The following MAP4K3 variants were observed in gnomAD, a reference collection of about 807,000 sequenced individuals.
The protein encoded by MAP4K3 is mitogen-activated protein kinase kinase kinase kinase 3, also known as MAPK/ERK kinase kinase kinase 3.
Under a neutral mutation model 143.5 loss-of-function variants are expected in MAP4K3, and 94 were observed. The observed-to-expected ratio is 0.65, with a 90% CI of 0.55 to 0.78. The LOEUF (loss-of-function observed/expected upper bound fraction) is 0.78. MAP4K3 is among the 30% of genes least tolerant of loss of function. MAP4K3 has a pLI of 0.00. For missense variants in MAP4K3, 1,077 were observed against 1,068.1 expected, an observed-to-expected ratio of 1.01 and a Z score of -0.12; for synonymous variants, 416 against 347.2, an observed-to-expected ratio of 1.20 and a Z score of -2.20.
chr2:39,436,067 T>A (rs531424166), intron 1 of MAP4K3, among the ~76,000 whole-genome samples: 4 of 152,302 alleles, frequency 2.6e-5, no homozygotes, highest in Admixed American at 6.5e-5. Context: ...TGCTGCCACA[T>A]TTGGCAACAA....
intron 22 of MAP4K3, 73 bp from the exon 23 acceptor site, chr2:39,280,429 A>G: frequency 2.5e-6 from 2 of 792,486 alleles, no homozygotes; most frequent in Admixed American, 4.4e-5. Flanking sequence ...TGTAACTATT[A>G]TCTATTTTAA....
At position 39,260,702 on chromosome 2, in the gene MAP4K3, C is replaced by T; in HGVS notation, c.2212G>A (p.Val738Ile). The change falls in exon 29 of 34, where the codon GTT (valine) becomes ATT (isoleucine). Residue 738 changes from valine (V) to isoleucine (I), a missense_variant. This residue lies in a region of MAP4K3 where 864 missense variants were observed against 801.2 expected (regional missense o/e 1.08). Transcript: ENST00000263881. ...LVVPEQEYPL[V>I]CVGVSRGRDF... ...CTACCTCTACTGACACCAACACAAA[C>T]TAAAGGGTACTCCTGTTCAGGAACT... 1 of 1,613,850 alleles carries T rather than the reference C, an allele frequency of 6.2e-7. No homozygotes were observed.
intron 15 of MAP4K3, among the ~76,000 whole-genome samples, chr2:39,305,830 A>T (rs1198866149): frequency 6.9e-6 from 1 of 144,688 alleles, no homozygotes; most frequent in Non-Finnish European, 1.5e-5. Context: ...AGTATTTGTA[A>T]TTTTTTTTTT....
intron 1 of MAP4K3, among the ~76,000 whole-genome samples, chr2:39,412,801 T>C (rs112111468): frequency 6.6e-6 from 1 of 152,028 alleles, no homozygotes; most frequent in Non-Finnish European, 1.5e-5. Flanking sequence ...AATGAATAAA[T>C]TGAGGCATAA....
chr2:39,355,346 C>A (rs1665581326), intron 3 of MAP4K3, among the ~76,000 whole-genome samples: 1 of 113,698 alleles, frequency 8.8e-6, no homozygotes, highest in Non-Finnish European at 1.7e-5. Context: ...AGTGACAGAG[C>A]AAGACTCCAC....
intron 1 of MAP4K3, among the ~76,000 whole-genome samples, chr2:39,391,899 TGGGCCA>T (rs1355013634): frequency 6.6e-6 from 1 of 151,832 alleles, no homozygotes; most frequent in Non-Finnish European, 1.5e-5. Flanking sequence ...AATGTGAAAA[TGGGCCA>T]GGCGCGGTGG....
chr2:39,321,853 T>C (rs971736705), intron 12 of MAP4K3, among the ~76,000 whole-genome samples: 14 of 152,238 alleles, frequency 9.2e-5, no homozygotes, highest in Non-Finnish European at 1.6e-4. Context: ...TTGTCTATGA[T>C]GCAAAGACCA....
At chr2:39,436,821 G>C in intron 1 of MAP4K3, 71 bp downstream of exon 1, 1 of 1,365,396 alleles carries the variant, frequency 7.3e-7, no homozygotes, top group Non-Finnish European at 1.0e-6. Flanking sequence ...AGGCGGCAAG[G>C]GCTCGGACGC....
chr2:39,356,919 C>T lies in MAP4K3; in HGVS notation c.155-580G>A, dbSNP rs572657543. ...AAGTTAGGGCAGGAACCCTTATACA[C>T]CAAGTGTGTCAAATTTATCTCCACA... On this transcript the variant is annotated intron_variant, in intron 2 of 33. Coordinates refer to ENST00000263881, the MANE Select transcript of MAP4K3 (RefSeq NM_003618.4). 3.9e-5 allele frequency among the ~76,000 whole-genome samples: 6 copies of T among 152,250 alleles called. No homozygotes were observed. In the South Asian group the frequency reaches 1.2e-3, roughly 32 times the overall value.
intron 1 of MAP4K3, among the ~76,000 whole-genome samples, chr2:39,420,906 CTCAA>C (rs1455282499): frequency 6.6e-6 from 1 of 152,108 alleles, no homozygotes; most frequent in East Asian, 1.9e-4. Context: ...GACATTACAC[CTCAA>C]TCAATCTGTC....
At chr2:39,399,479 A>G (rs1481190550) in intron 1 of MAP4K3, among the ~76,000 whole-genome samples, 1 of 152,232 alleles carries the variant, frequency 6.6e-6, no homozygotes. Context: ...AACACATGGG[A>G]ACCATCTCAT....
At chr2:39,369,034 C>T (rs1666001736) in intron 2 of MAP4K3, among the ~76,000 whole-genome samples, 1 of 152,070 alleles carries the variant, frequency 6.6e-6, no homozygotes, top group South Asian at 2.1e-4. Flanking sequence ...TCAAGCATGG[C>T]TGTCACAACA....
Position 39,437,158 on chromosome 2 carries a change from GGAC to G in MAP4K3, c.-174_-172del. On this transcript the variant is annotated 5_prime_UTR_variant, in exon 1 of 34. Coordinates refer to ENST00000263881, the MANE Select transcript of MAP4K3 (RefSeq NM_003618.4). ...GCCGCCGCTCCCCTCACGCCGCTGC[GGAC>G]GACGACAAGCGGCCAATCGTCCCCG... The G allele has an allele frequency of 2.5e-6, 1 of 406,880 alleles. No individual in the cohort carries two copies. The highest frequency in any genetic ancestry group is 4.2e-6 in the Non-Finnish European group (1 of 236,200). 25.2% of individuals were successfully genotyped at this position (406,880 alleles called of 1,614,324 possible). A position where few individuals can be genotyped will look rare whatever the true frequency, so the allele number is the denominator to read the frequency against.
chr2:39,265,583 C>T (rs1573070295), intron 27 of MAP4K3, among the ~76,000 whole-genome samples: 1 of 152,094 alleles, frequency 6.6e-6, no homozygotes, highest in African/African-American at 2.4e-5. Context: ...AAGGACTTTT[C>T]GTCTTATGAT....
chr2:39,355,789 A>C (rs2148552373), intron 3 of MAP4K3, among the ~76,000 whole-genome samples: 1 of 152,306 alleles, frequency 6.6e-6, no homozygotes, highest in South Asian at 2.1e-4. Flanking sequence ...AAAATAAGTT[A>C]CTGAGATGAT....
chr2:39,258,463 G>A, intron 30 of MAP4K3, 23 bp from the exon 31 acceptor site: 1 of 1,601,590 alleles, frequency 6.2e-7, no homozygotes, highest in Non-Finnish European at 8.5e-7. Flanking sequence ...AAGTCACTCA[G>A]AAACTAAGAT....
Position 39,286,869 on chromosome 2 carries a change from C to A in MAP4K3, c.1570G>T (p.Glu524Ter). 1 of 1,604,352 alleles carries A rather than the reference C, an allele frequency of 6.2e-7. No homozygotes were observed. The highest frequency in any genetic ancestry group is 8.5e-7 in the Non-Finnish European group (1 of 1,177,326). ...ATACCTACTGGTACATCTTTCTTTT[C>A]TTTTCTTGAAAGGTTTGTGCCTCTA... ...EHRGTNLSRK[E>*]KKDVPKPISN... is the part of the protein sequence containing the mutation. Residue 524 changes from glutamate to a stop codon, truncating the protein, a stop_gained, in exon 21 of 34, where the codon GAA (glutamate) becomes TAA (stop). Transcript: ENST00000263881. LOFTEE classifies it high-confidence loss of function.
intron 4 of MAP4K3, among the ~76,000 whole-genome samples, chr2:39,339,040 T>C (rs1342812890): frequency 6.6e-6 from 1 of 152,194 alleles, no homozygotes; most frequent in Non-Finnish European, 1.5e-5. Flanking sequence ...CACTTTAGAA[T>C]AAAAAGTGGG....
intron 18 of MAP4K3, among the ~76,000 whole-genome samples, chr2:39,291,013 T>C (rs10168941): frequency 0.74 from 111,842 of 151,934 alleles, 45,271 homozygotes; most frequent in Non-Finnish European, 0.9. Flanking sequence ...TGCAGAGAGC[T>C]GAGATCACAC....
Sources: allele counts gnomAD v4.1 joint callset (sites outside exome capture counted in the v4.1 genomes callset), GRCh38; gene constraint gnomAD v4.1.1; regional missense constraint gnomAD v4.1.1; transcripts MANE v1.5; gene names NCBI Gene and HGNC (gene_info 2026-07-23, HGNC 2026-07-21).